Variants in CPQ observed in about 807,000 individuals in gnomAD.
CPQ encodes Ser-Met dipeptidase.
A neutral mutation model predicts 45.7 loss-of-function variants in CPQ; 37 were observed. That is an observed-to-expected ratio of 0.81 (90% CI 0.62 to 1.07). CPQ has a LOEUF of 1.07. Ranked by LOEUF, CPQ falls within the 50% of genes least tolerant of loss-of-function variation. The pLI, the probability that CPQ is intolerant of heterozygous loss-of-function variation, is 0.00. For missense variants in CPQ, 537 were observed against 572.9 expected, an observed-to-expected ratio of 0.94 and a Z score of 0.64; for synonymous variants, 186 against 205.8, an observed-to-expected ratio of 0.90 and a Z score of 0.82.
chr8:96,652,102 T>G (rs1244116386), intron 1 of CPQ, among the ~76,000 whole-genome samples: 1 of 152,236 alleles, frequency 6.6e-6, no homozygotes, highest in Non-Finnish European at 1.5e-5. Flanking sequence ...AATTGAAACT[T>G]TGAACCCTTT....
At chr8:97,114,875 C>A (rs1053742342) in intron 7 of CPQ, among the ~76,000 whole-genome samples, 2 of 152,216 alleles carry the variant, frequency 1.3e-5, no homozygotes, top group African/African-American at 4.8e-5. Flanking sequence ...TCTCCTCCCT[C>A]CTGCTTTCCT....
chr8:96,880,517 TCATA>T (rs1812206789), intron 4 of CPQ, among the ~76,000 whole-genome samples: 1 of 76,550 alleles, frequency 1.3e-5, no homozygotes, highest in Non-Finnish European at 2.6e-5. Context: ...AAATATATGG[TCATA>T]TATATATATA....
chr8:96,951,390 C>A (rs1813262925), intron 4 of CPQ, among the ~76,000 whole-genome samples: 1 of 152,118 alleles, frequency 6.6e-6, no homozygotes, highest in Admixed American at 6.6e-5. Flanking sequence ...GTCTTGCCAA[C>A]TCTGTAAATG....
chr8:96,760,230 G>T (rs1422455581), intron 1 of CPQ, among the ~76,000 whole-genome samples: 2 of 152,212 alleles, frequency 1.3e-5, no homozygotes. Context: ...GAGCTGTATG[G>T]ATCAGAAAGG....
chr8:97,075,930 C>T (rs918587169), intron 7 of CPQ, among the ~76,000 whole-genome samples: 11 of 152,258 alleles, frequency 7.2e-5, no homozygotes, highest in Admixed American at 1.3e-4. Context: ...TGAAGCAGAT[C>T]TCCAAAATCA....
intron 1 of CPQ, among the ~76,000 whole-genome samples, chr8:96,660,454 C>T (rs376007207): frequency 2.0e-5 from 3 of 152,118 alleles, no homozygotes; most frequent in Admixed American, 6.5e-5. Context: ...AGGGCTTTAA[C>T]GTATGAATTT....
chr8:96,753,396 C>A, intron 1 of CPQ, among the ~76,000 whole-genome samples: 1 of 151,968 alleles, frequency 6.6e-6, no homozygotes, highest in East Asian at 1.9e-4. Flanking sequence ...CAATATTTGC[C>A]AAATGCAATG....
chr8:96,873,309 T>C (rs1233324550), intron 3 of CPQ, among the ~76,000 whole-genome samples: 1 of 151,334 alleles, frequency 6.6e-6, no homozygotes, highest in East Asian at 1.9e-4. Context: ...CAGATTTCTT[T>C]TCCTTCTCTT....
intron 4 of CPQ, among the ~76,000 whole-genome samples, chr8:96,930,412 C>G (rs1812957711): frequency 6.6e-6 from 1 of 152,158 alleles, no homozygotes; most frequent in African/African-American, 2.4e-5. Context: ...TTGAAGTCCA[C>G]AGAATTGCTG....
chr8:96,792,593 A>G (rs931413638), intron 2 of CPQ, among the ~76,000 whole-genome samples: 2 of 152,102 alleles, frequency 1.3e-5, no homozygotes, highest in African/African-American at 4.8e-5. Context: ...TATGTTTTAT[A>G]TTAGTTAGGG....
At chr8:96,720,063 A>C (rs531818904) in intron 1 of CPQ, among the ~76,000 whole-genome samples, 14 of 152,264 alleles carry the variant, frequency 9.2e-5, no homozygotes, top group African/African-American at 3.4e-4. Context: ...TCTGTGCACT[A>C]TTTTGTCTTT....
At chr8:96,744,057 G>A (rs1015726786) in intron 1 of CPQ, among the ~76,000 whole-genome samples, 8 of 150,882 alleles carry the variant, frequency 5.3e-5, no homozygotes, top group African/African-American at 1.2e-4. Flanking sequence ...GGGCAATGGC[G>A]GGCGCCCCTC....
intron 1 of CPQ, among the ~76,000 whole-genome samples, chr8:96,659,908 A>C (rs986956043): frequency 6.6e-6 from 1 of 152,194 alleles, no homozygotes; most frequent in Non-Finnish European, 1.5e-5. Context: ...AAACCACTTT[A>C]TCCTCTACAC....
At chr8:96,767,068 GC>G (rs1204731198) in intron 1 of CPQ, among the ~76,000 whole-genome samples, 1 of 152,088 alleles carries the variant, frequency 6.6e-6, no homozygotes, top group African/African-American at 2.4e-5. Context: ...ACACTGTTGT[GC>G]AGTCTGTGAG....
intron 5 of CPQ, among the ~76,000 whole-genome samples, chr8:97,017,614 G>A (rs1809603910): frequency 6.6e-6 from 1 of 152,044 alleles, no homozygotes; most frequent in Non-Finnish European, 1.5e-5. Context: ...CTGGGAGCTG[G>A]ATGAGGCCTG....
At chr8:96,937,740 G>C (rs1374997561) in intron 4 of CPQ, among the ~76,000 whole-genome samples, 1 of 152,096 alleles carries the variant, frequency 6.6e-6, no homozygotes, top group Non-Finnish European at 1.5e-5. Context: ...AGCCTCTGTC[G>C]AGCGACTCTA....
At chr8:96,904,143 A>G (rs1040313395) in intron 4 of CPQ, among the ~76,000 whole-genome samples, 10 of 152,152 alleles carry the variant, frequency 6.6e-5, no homozygotes, top group Non-Finnish European at 1.5e-4. Flanking sequence ...CCTACTTGAT[A>G]CTTTCTTTGA....
At chr8:96,682,776 G>C (rs185276671) in intron 1 of CPQ, among the ~76,000 whole-genome samples, 176 of 151,942 alleles carry the variant, frequency 1.2e-3, no homozygotes, top group South Asian at 3.3e-3. Flanking sequence ...GCTTGCTTTT[G>C]GTTTCATTTG....
chr8:96,727,594 G>A (rs1024329707), intron 1 of CPQ, among the ~76,000 whole-genome samples: 2 of 152,100 alleles, frequency 1.3e-5, no homozygotes, highest in African/African-American at 4.8e-5. Context: ...GCACCTACAT[G>A]TTGAGGAAAG....
Sources: allele counts gnomAD v4.1 joint callset (sites outside exome capture counted in the v4.1 genomes callset), GRCh38; gene constraint gnomAD v4.1.1; transcripts MANE v1.5; gene names NCBI Gene and HGNC (gene_info 2026-07-23, HGNC 2026-07-21).